The following TF variants were observed in gnomAD, a reference collection of about 807,000 sequenced individuals.
TF encodes transferrin, also known as serotransferrin.
TF carries 55 observed loss-of-function variants against 82.4 expected under a neutral mutation model. That is an observed-to-expected ratio of 0.67 (90% CI 0.54 to 0.84). TF has a LOEUF of 0.84. Ranked by LOEUF, TF falls within the 40% of genes least tolerant of loss-of-function variation. The pLI is 0.00. For synonymous variants in TF, 332 were observed against 332.6 expected, an observed-to-expected ratio of 1.00 and a Z score of 0.02; for missense variants, 737 against 868.4, an observed-to-expected ratio of 0.85 and a Z score of 1.90.
the TF span, among the ~76,000 whole-genome samples, chr3:133,666,401 G>C: frequency 6.6e-6 from 1 of 152,082 alleles, no homozygotes; most frequent in Non-Finnish European, 1.5e-5. Context: ...TTGAACTCCT[G>C]ATCTTGTGAT....
At chr3:133,764,421 T>C (rs1934074307) in intron 10 of TF, 146 bp downstream of exon 10, 1 of 701,532 alleles carries the variant, frequency 1.4e-6, no homozygotes, top group Non-Finnish European at 2.6e-6. Flanking sequence ...TCTGGGCTCC[T>C]TCATCTCAAA....
chr3:133,665,973 AG>A, the TF span, among the ~76,000 whole-genome samples: 1 of 151,560 alleles, frequency 6.6e-6, no homozygotes, highest in Non-Finnish European at 1.5e-5. Context: ...AAGAAAACAC[AG>A]GAAACAAATA....
At chr3:133,680,628 G>A in the TF span, among the ~76,000 whole-genome samples, 3 of 151,546 alleles carry the variant, frequency 2.0e-5, no homozygotes, top group Non-Finnish European at 4.4e-5. Flanking sequence ...CACATGGCCT[G>A]CATAATTCTA....
At chr3:133,703,188 C>G in the TF span, among the ~76,000 whole-genome samples, 1 of 152,096 alleles carries the variant, frequency 6.6e-6, no homozygotes, top group South Asian at 2.1e-4. Flanking sequence ...CTGAGTATAT[C>G]TTTAATATTA....
upstream of TF, among the ~76,000 whole-genome samples, chr3:133,741,263 G>A (rs1409756313): frequency 1.3e-5 from 2 of 151,636 alleles, no homozygotes; most frequent in Admixed American, 1.3e-4. Flanking sequence ...AAAGTTCTGT[G>A]ATTATAGACA....
chr3:133,754,859 T>TC (rs1426372804), intron 4 of TF, among the ~76,000 whole-genome samples, 188 bp downstream of exon 4: 1 of 152,230 alleles, frequency 6.6e-6, no homozygotes, highest in East Asian at 1.9e-4. Flanking sequence ...TGAGCTTTTT[T>TC]CTGCTCTGAG....
At chr3:133,699,213 G>A in the TF span, among the ~76,000 whole-genome samples, 16 of 152,390 alleles carry the variant, frequency 1.0e-4, no homozygotes, top group South Asian at 4.1e-4. Context: ...CAGTTGGAGG[G>A]CCCTGGGCCA....
At chr3:133,747,485 T>C (rs1246412282) in intron 1 of TF, among the ~76,000 whole-genome samples, 2 of 152,242 alleles carry the variant, frequency 1.3e-5, no homozygotes, top group East Asian at 3.9e-4. Context: ...ACAGGCTTTG[T>C]GGATCTTCTT....
At chr3:133,732,842 C>T in the TF span, among the ~76,000 whole-genome samples, 6 of 152,196 alleles carry the variant, frequency 3.9e-5, no homozygotes, top group African/African-American at 1.4e-4. Flanking sequence ...TCCTCATTTT[C>T]TAGATGGGGA....
chr3:133,759,265 A>G lies in TF; in HGVS notation c.1139A>G (p.Asn380Ser), dbSNP rs1933920237. The G allele has an allele frequency of 6.2e-7, 1 of 1,614,114 alleles. No individual in the cohort carries two copies. The highest frequency in any genetic ancestry group is 8.5e-7 in the Non-Finnish European group (1 of 1,180,024). Reference protein sequence around the residue: ...ERLKCDEWSVNSVGKIECVSA... With the variant: ...ERLKCDEWSVSSVGKIECVSA... ...CTCAAGTGTGATGAGTGGAGTGTTA[A>G]CAGTGTAGGGAAAATAGAGTGTGTA... The change falls in exon 9 of 17, where the codon AAC becomes AGC. Residue 380 changes from asparagine to serine, a missense_variant. Transcript: ENST00000402696.
the TF span, among the ~76,000 whole-genome samples, chr3:133,684,318 C>T: frequency 6.6e-6 from 1 of 152,112 alleles, no homozygotes; most frequent in East Asian, 1.9e-4. Flanking sequence ...CAAACGCATT[C>T]AAAAGCTAGC....
chr3:133,666,212 G>A, the TF span, among the ~76,000 whole-genome samples: 30 of 152,112 alleles, frequency 2.0e-4, no homozygotes, highest in East Asian at 4.8e-3. Context: ...TCGCTCTGTC[G>A]CCCAGGTTAG....
At chr3:133,686,858 G>T in the TF span, among the ~76,000 whole-genome samples, 1 of 152,184 alleles carries the variant, frequency 6.6e-6, no homozygotes, top group Non-Finnish European at 1.5e-5. Context: ...TATACCCAAA[G>T]GACTGTAAAT....
chr3:133,671,803 A>G, the TF span, among the ~76,000 whole-genome samples: 5 of 151,724 alleles, frequency 3.3e-5, no homozygotes, highest in East Asian at 9.7e-4. Flanking sequence ...AAGAAAAAAA[A>G]AAAAAAAGAA....
At chr3:133,700,840 G>A in the TF span, 1,500 of 152,782 alleles carry the variant, frequency 9.8e-3, 16 homozygotes, top group Non-Finnish European at 0.01. Flanking sequence ...TTACCTCTAT[G>A]CCGTCCTTCT....
the TF span, among the ~76,000 whole-genome samples, chr3:133,738,999 TAGCCAAGACAATCCTA>T: frequency 1.3e-5 from 2 of 152,188 alleles, no homozygotes; most frequent in African/African-American, 4.8e-5. Context: ...AGAGCCCGCA[TAGCCAAGACAATCCTA>T]AGCCAAAAGA....
chr3:133,684,804 T>A, the TF span, among the ~76,000 whole-genome samples: 1 of 152,170 alleles, frequency 6.6e-6, no homozygotes, highest in Admixed American at 6.5e-5. Context: ...ATTCCTTCTG[T>A]AACTATTCCA....
At chr3:133,689,005 T>C in the TF span, among the ~76,000 whole-genome samples, 2 of 152,148 alleles carry the variant, frequency 1.3e-5, no homozygotes, top group African/African-American at 4.8e-5. Flanking sequence ...GGAAAAATAT[T>C]ATATGAGAGA....
At chr3:133,726,398 G>C in the TF span, among the ~76,000 whole-genome samples, 1 of 152,260 alleles carries the variant, frequency 6.6e-6, no homozygotes, top group Non-Finnish European at 1.5e-5. Context: ...GAGTGTATGT[G>C]TTGAGGAATT....
Sources: allele counts gnomAD v4.1 joint callset (sites outside exome capture counted in the v4.1 genomes callset), GRCh38; gene constraint gnomAD v4.1.1; transcripts MANE v1.5; gene names NCBI Gene and HGNC (gene_info 2026-07-23, HGNC 2026-07-21).